CDK7: variants seen among roughly 807,000 people sequenced by gnomAD.
CDK7 encodes the protein cyclin-dependent kinase 7.
In CDK7, 25 loss-of-function variants were observed where a neutral mutation model predicts 49.1. The observed-to-expected ratio is 0.51, with a 90% CI of 0.37 to 0.71. The LOEUF is 0.71. Ranked by LOEUF, CDK7 falls within the 30% of genes least tolerant of loss-of-function variation. The pLI is 0.00. For missense variants in CDK7, 316 were observed against 411.7 expected, an observed-to-expected ratio of 0.77 and a Z score of 2.01; for synonymous variants, 107 against 140.0, an observed-to-expected ratio of 0.76 and a Z score of 1.67.
intron 2 of CDK7, chr5:69,250,871 G>A (rs909817309): frequency 2.2e-6 from 1 of 456,646 alleles, no homozygotes; most frequent in Non-Finnish European, 4.4e-6. Context: ...TCAGGGCCCA[G>A]GGGCTCTATA....
chr5:69,259,416 T>C (rs1750681473), intron 6 of CDK7, among the ~76,000 whole-genome samples: 2 of 152,174 alleles, frequency 1.3e-5, no homozygotes, highest in Non-Finnish European at 1.5e-5. Context: ...TGATGTCTTT[T>C]TAGCATGGAT....
At chr5:69,253,961 G>A (rs1490268577) in intron 3 of CDK7, among the ~76,000 whole-genome samples, 1 of 152,050 alleles carries the variant, frequency 6.6e-6, no homozygotes, top group East Asian at 1.9e-4. Context: ...TTAGCCAGGC[G>A]TGGAGGTGCA....
At chr5:69,273,295 C>G (rs769967773) in intron 10 of CDK7, among the ~76,000 whole-genome samples, 1 of 150,816 alleles carries the variant, frequency 6.6e-6, no homozygotes, top group African/African-American at 2.5e-5. Context: ...AAATACATGT[C>G]TATTTCACAT....
At chr5:69,241,323 T>C in intron 2 of CDK7, among the ~76,000 whole-genome samples, 2 of 134,772 alleles carry the variant, frequency 1.5e-5, no homozygotes, top group Non-Finnish European at 3.3e-5. Flanking sequence ...TCTTTTTTTT[T>C]TTTTTTTTTT....
At chr5:69,273,233 C>T (rs1007514394) in intron 10 of CDK7, among the ~76,000 whole-genome samples, 192 bp downstream of exon 10, 6 of 151,950 alleles carry the variant, frequency 3.9e-5, no homozygotes, top group African/African-American at 1.5e-4. Flanking sequence ...AAATTATATG[C>T]ACACAGAGAT....
chr5:69,258,526 G>T (rs1370818904), intron 6 of CDK7, among the ~76,000 whole-genome samples: 1 of 151,854 alleles, frequency 6.6e-6, no homozygotes, highest in Non-Finnish European at 1.5e-5. Context: ...GACCACAGGT[G>T]CCCGCCACCA....
chr5:69,253,651 C>T (rs1430402554), intron 3 of CDK7, among the ~76,000 whole-genome samples: 1 of 152,202 alleles, frequency 6.6e-6, no homozygotes, highest in African/African-American at 2.4e-5. Flanking sequence ...CAATATGCCA[C>T]TAATATTTGT....
At position 69,252,454 on chromosome 5, in the gene CDK7, A is replaced by G. The variant is rs1750203433; in HGVS notation, c.160+3A>G. The G allele has an allele frequency of 1.4e-6, 2 of 1,459,952 alleles. No individual in the cohort carries two copies. Among genetic ancestry groups the G allele is most frequent in the South Asian group, 1.3e-5 (1 of 79,498 alleles). 90.4% of individuals were successfully genotyped at this position (1,459,952 alleles called of 1,614,324 possible). The stretch of plus-strand genomic sequence containing the variant: ...ACATAGATCAGAAGCTAAAGATGGT[A>G]AGTATTTCATGTAATCTGACAGATA... On this transcript the variant is annotated splice_donor_region_variant and intron_variant, in intron 3 of 11. Transcript: ENST00000256443.
At chr5:69,263,601 AC>A (rs1386212495) in intron 8 of CDK7, among the ~76,000 whole-genome samples, 1 of 152,204 alleles carries the variant, frequency 6.6e-6, no homozygotes, top group Non-Finnish European at 1.5e-5. Context: ...TGTAGAAGAA[AC>A]CCACACATTC....
At chr5:69,276,819 G>A (rs552175005) in intron 11 of CDK7, 129 bp downstream of exon 11, 8 of 839,070 alleles carry the variant, frequency 9.5e-6, no homozygotes, top group African/African-American at 3.5e-5. Flanking sequence ...AAATTTAATT[G>A]TATAAAGTAG....
chr5:69,270,075 A>T (rs1450726126), intron 9 of CDK7, among the ~76,000 whole-genome samples: 1 of 126,818 alleles, frequency 7.9e-6, no homozygotes, highest in East Asian at 2.6e-4. Context: ...CCAAAAAAAA[A>T]AAAAAAAAAT....
chr5:69,235,272 G>A (rs72767837), intron 1 of CDK7, 122 bp from the exon 2 acceptor site: 108,448 of 839,288 alleles, frequency 0.13, 7,565 homozygotes, highest in African/African-American at 0.21. Context: ...GACCCGCCAC[G>A]TTTCCAGCCG....
At chr5:69,262,104 G>A in intron 7 of CDK7, 101 bp from the exon 8 acceptor site, 1 of 1,422,580 alleles carries the variant, frequency 7.0e-7, no homozygotes, top group Non-Finnish European at 9.9e-7. Flanking sequence ...GTAAGGGATT[G>A]CCTTTAAAAA....
intron 10 of CDK7, among the ~76,000 whole-genome samples, chr5:69,274,012 C>T (rs538381849): frequency 6.6e-6 from 1 of 152,214 alleles, no homozygotes; most frequent in Non-Finnish European, 1.5e-5. Flanking sequence ...ATTTTTATGT[C>T]CATGTGTACA....
chr5:69,246,201 A>T (rs573091347), intron 2 of CDK7, among the ~76,000 whole-genome samples: 60 of 152,010 alleles, frequency 3.9e-4, no homozygotes, highest in Non-Finnish European at 6.3e-4. Context: ...CAGTGGCGCG[A>T]TCTTGGCTCA....
At chr5:69,247,987 A>G (rs537711923) in intron 2 of CDK7, among the ~76,000 whole-genome samples, 1 of 152,300 alleles carries the variant, frequency 6.6e-6, no homozygotes, top group African/African-American at 2.4e-5. Flanking sequence ...CCACAATTAC[A>G]GTGTTATAAT....
intron 8 of CDK7, among the ~76,000 whole-genome samples, chr5:69,267,695 C>G (rs577422440): frequency 7.9e-5 from 12 of 152,092 alleles, no homozygotes; most frequent in African/African-American, 2.7e-4. Flanking sequence ...TCAGATTTTC[C>G]TACTTTTTCT....
rs1399800136 is a variant in CDK7 at position 69,235,042 on chromosome 5, G to A, written c.66+1G>A. 5 of 1,600,572 alleles carry A rather than the reference G, an allele frequency of 3.1e-6. No homozygotes were observed. The highest frequency in any genetic ancestry group is 4.3e-6 in the Non-Finnish European group (5 of 1,173,820). ...GCTGGACTTCCTTGGGGAGGGACAG[G>A]TGAGGCTCTCTGGAAGGACGGGGAG... is the stretch of plus-strand genomic sequence containing the variant. On this transcript the variant is annotated splice_donor_variant, in intron 1 of 11. Transcript: ENST00000256443. LOFTEE classifies it high-confidence loss of function.
chr5:69,255,517 A>G lies in CDK7; in HGVS notation c.286A>G (p.Thr96Ala). 6.3e-7 allele frequency: 1 copy of G among 1,576,460 alleles called. No homozygotes were observed. The change falls in exon 5 of 12, where the codon ACT becomes GCT. Residue 96 changes from threonine (T) to alanine (A), a missense_variant. Thr to Ala is a moderately conservative substitution (Grantham distance 58). Transcript: ENST00000256443. ...NISLVFDFME[T>A]DLEVIIKDNS... Reference sequence around the variant, plus strand: ...TAGCCTTGTCTTTGATTTTATGGAAACTGATCTAGAGGTAAGATTAAGATT... The same window carrying G: ...TAGCCTTGTCTTTGATTTTATGGAAGCTGATCTAGAGGTAAGATTAAGATT...
Sources: gnomAD v4.1 joint callset for allele counts (sites outside exome capture counted in the v4.1 genomes callset) on GRCh38, gnomAD v4.1.1 for gene constraint, MANE v1.5 for transcripts, NCBI Gene and HGNC (gene_info 2026-07-23, HGNC 2026-07-21) for gene names.